The following CTNND2 variants were observed in gnomAD, a reference collection of about 807,000 sequenced individuals.
The protein encoded by CTNND2 is catenin delta 2, also known as catenin delta-2.
In CTNND2, 22 loss-of-function variants were observed where a neutral mutation model predicts 144.4. The ratio of observed to expected loss-of-function variants is 0.15; its 90% confidence interval spans 0.11 to 0.22. The LOEUF (loss-of-function observed/expected upper bound fraction) is 0.22, where lower values mean the gene tolerates loss of function less well. Among genes scored for constraint, CTNND2 ranks in the 10% least tolerant of loss-of-function variants. The pLI is 1.00. For missense variants in CTNND2, 1,353 were observed against 1,618.8 expected (o/e 0.84, Z 2.82); for synonymous variants, 751 against 695.6 (o/e 1.08, Z -1.25).
chr5:11,615,493 G>T (rs1432260128), intron 2 of CTNND2, among the ~76,000 whole-genome samples: 1 of 152,096 alleles, frequency 6.6e-6, no homozygotes, highest in Non-Finnish European at 1.5e-5. Flanking sequence ...ACTGAAATTA[G>T]AAATGATGGA....
chr5:11,667,095 A>T (rs560682843), intron 2 of CTNND2, among the ~76,000 whole-genome samples: 99 of 152,228 alleles, frequency 6.5e-4, no homozygotes, highest in African/African-American at 2.3e-3. Flanking sequence ...AAGGACATGA[A>T]ATCATCCTTT....
chr5:11,327,140 G>A (rs932519522), intron 9 of CTNND2, among the ~76,000 whole-genome samples: 10 of 152,168 alleles, frequency 6.6e-5, no homozygotes, highest in Non-Finnish European at 1.0e-4. Context: ...GTTAACCAGA[G>A]AAGACAGCCG....
chr5:11,647,522 C>T (rs2126525407), intron 2 of CTNND2, among the ~76,000 whole-genome samples: 1 of 151,902 alleles, frequency 6.6e-6, no homozygotes, highest in African/African-American at 2.4e-5. Flanking sequence ...CTGATAGTGC[C>T]CCCCGCAAGC....
chr5:11,076,076 G>C (rs1440313012), intron 16 of CTNND2, among the ~76,000 whole-genome samples: 2 of 152,212 alleles, frequency 1.3e-5, no homozygotes, highest in African/African-American at 4.8e-5. Flanking sequence ...ATCACCTGAT[G>C]CTTGCTTATT....
At chr5:11,292,081 C>T (rs1748408313) in intron 9 of CTNND2, among the ~76,000 whole-genome samples, 1 of 152,128 alleles carries the variant, frequency 6.6e-6, no homozygotes, top group African/African-American at 2.4e-5. Context: ...GAATAATCCT[C>T]AGTTCCAAGT....
chr5:11,888,639 T>A (rs1253723552), intron 1 of CTNND2, among the ~76,000 whole-genome samples: 1 of 152,158 alleles, frequency 6.6e-6, no homozygotes, highest in African/African-American at 2.4e-5. Context: ...GTTATTTTTA[T>A]AGATCAAACA....
At chr5:11,414,244 C>T (rs941843917) in intron 3 of CTNND2, among the ~76,000 whole-genome samples, 1 of 152,064 alleles carries the variant, frequency 6.6e-6, no homozygotes, top group African/African-American at 2.4e-5. Flanking sequence ...CCTGCTGACA[C>T]CTTGATTTTG....
At chr5:11,355,493 C>A (rs576784600) in intron 8 of CTNND2, among the ~76,000 whole-genome samples, 3 of 152,054 alleles carry the variant, frequency 2.0e-5, no homozygotes, top group South Asian at 4.1e-4. Flanking sequence ...AAACTCTCAA[C>A]AAATTAGGTA....
At chr5:11,741,539 C>A (rs1423036095) in intron 1 of CTNND2, among the ~76,000 whole-genome samples, 1 of 151,662 alleles carries the variant, frequency 6.6e-6, no homozygotes, top group East Asian at 1.9e-4. Flanking sequence ...GGACACAGGG[C>A]TGGGAACATC....
intron 10 of CTNND2, 57 bp downstream of exon 10, chr5:11,236,634 A>G: frequency 1.9e-6 from 3 of 1,568,256 alleles, no homozygotes; most frequent in Non-Finnish European, 2.6e-6. Context: ...AACATTAAGA[A>G]GATCTAAGTG....
intron 16 of CTNND2, among the ~76,000 whole-genome samples, chr5:11,070,490 A>G (rs532916003): frequency 2.6e-4 from 39 of 152,196 alleles, no homozygotes; most frequent in Admixed American, 8.5e-4. Flanking sequence ...GGACAATATC[A>G]TGTAGTGTAA....
intron 16 of CTNND2, among the ~76,000 whole-genome samples, chr5:11,036,936 C>A (rs913001138): frequency 3.3e-5 from 5 of 152,176 alleles, no homozygotes; most frequent in African/African-American, 9.7e-5. Flanking sequence ...AAAAGCTCAA[C>A]CACCACTTAA....
chr5:10,974,423 T>C (rs963975779), intron 21 of CTNND2, among the ~76,000 whole-genome samples: 1 of 152,260 alleles, frequency 6.6e-6, no homozygotes, highest in East Asian at 1.9e-4. Context: ...ATGGTATGCA[T>C]AGACCACATT....
rs1490353770 is a variant in CTNND2 at position 11,175,160 on chromosome 5, T to C, written c.1976-15401A>G. On this transcript the variant is annotated intron_variant, in intron 11 of 21. Transcript: ENST00000304623. ...ACATAGTAATTTCTCTGTATGGATA[T>C]ATATGGTATAAAATAAATTCCATTT... Among the ~76,000 whole-genome samples, 7 of 152,266 alleles carry C rather than the reference T, an allele frequency of 4.6e-5. No individual in the cohort carries two copies. The East Asian group carries it at 1.3e-3, about 29-fold the overall frequency.
At chr5:11,450,628 G>A (rs1015228412) in intron 3 of CTNND2, among the ~76,000 whole-genome samples, 4 of 152,110 alleles carry the variant, frequency 2.6e-5, no homozygotes, top group Non-Finnish European at 5.9e-5. Context: ...GGCTGGGCGT[G>A]GTGGCTCATG....
intron 6 of CTNND2, among the ~76,000 whole-genome samples, chr5:11,386,640 C>T (rs906598053): frequency 7.2e-5 from 11 of 151,998 alleles, no homozygotes; most frequent in Non-Finnish European, 1.3e-4. Context: ...TATTTATGTA[C>T]GGTATATATA....
At chr5:11,225,901 T>G (rs1740287750) in intron 10 of CTNND2, among the ~76,000 whole-genome samples, 1 of 152,144 alleles carries the variant, frequency 6.6e-6, no homozygotes, top group African/African-American at 2.4e-5. Flanking sequence ...CAGTACAACA[T>G]AAGCCCTTAT....
At chr5:11,193,445 A>T (rs1305623779) in intron 11 of CTNND2, among the ~76,000 whole-genome samples, 1 of 152,004 alleles carries the variant, frequency 6.6e-6, no homozygotes, top group Admixed American at 6.6e-5. Context: ...TATCTTTGGG[A>T]TGTTGTTTAA....
chr5:11,149,191 T>G (rs534951193), intron 12 of CTNND2, among the ~76,000 whole-genome samples: 10 of 152,324 alleles, frequency 6.6e-5, no homozygotes, highest in African/African-American at 2.4e-4. Flanking sequence ...TGCAGTAAGC[T>G]TCATTTCCTC....
Sources: gnomAD v4.1 joint callset for allele counts (sites outside exome capture counted in the v4.1 genomes callset) on GRCh38, gnomAD v4.1.1 for gene constraint, MANE v1.5 for transcripts, NCBI Gene and HGNC (gene_info 2026-07-23, HGNC 2026-07-21) for gene names.